The following ITGBL1 variants were observed in gnomAD, a reference collection of about 807,000 sequenced individuals.
The protein encoded by ITGBL1 is integrin beta-like protein 1.
Under a neutral mutation model 68.5 loss-of-function variants are expected in ITGBL1, and 51 were observed. The observed-to-expected ratio is 0.74, with a 90% confidence interval of 0.59 to 0.94. The LOEUF is 0.94. ITGBL1 is among the 40% of genes least tolerant of loss of function. The probability of loss-of-function intolerance (pLI) is 0.00; values close to 1 mark genes in which losing one functional copy is unlikely to be tolerated. For synonymous variants in ITGBL1, 209 were observed against 227.3 expected, an observed-to-expected ratio of 0.92 and a Z score of 0.72; for missense variants, 649 against 647.4, an observed-to-expected ratio of 1.00 and a Z score of -0.03.
intron 2 of ITGBL1, among the ~76,000 whole-genome samples, chr13:101,535,033 C>T (rs577697786): frequency 4.6e-5 from 7 of 152,068 alleles, no homozygotes; most frequent in Non-Finnish European, 1.0e-4. Context: ...TTCCTCTTGT[C>T]TTCACAGTAT....
intron 7 of ITGBL1, among the ~76,000 whole-genome samples, chr13:101,689,966 G>T (rs1163744094): frequency 6.6e-6 from 1 of 152,012 alleles, no homozygotes; most frequent in East Asian, 1.9e-4. Flanking sequence ...TATTTTTGGT[G>T]CCCATCCTAA....
intron 2 of ITGBL1, among the ~76,000 whole-genome samples, chr13:101,536,586 T>C (rs1472632310): frequency 6.6e-6 from 1 of 152,004 alleles, no homozygotes; most frequent in Non-Finnish European, 1.5e-5. Flanking sequence ...GTTCTAAATG[T>C]TGGCTTTCTC....
At chr13:101,473,291 T>C (rs550410372) in intron 2 of ITGBL1, among the ~76,000 whole-genome samples, 1 of 152,318 alleles carries the variant, frequency 6.6e-6, no homozygotes, top group East Asian at 1.9e-4. Flanking sequence ...ACACCATGCC[T>C]ACCCCATCCG....
At chr13:101,579,501 T>C (rs2050420280) in intron 5 of ITGBL1, 74 bp downstream of exon 5, 3 of 1,478,046 alleles carry the variant, frequency 2.0e-6, no homozygotes, top group African/African-American at 1.4e-5. Context: ...TTCTTTTCTT[T>C]GTATTTCCTC....
chr13:101,522,659 A>G (rs1038269980), intron 2 of ITGBL1, among the ~76,000 whole-genome samples: 8 of 152,210 alleles, frequency 5.3e-5, no homozygotes, highest in African/African-American at 1.7e-4. Flanking sequence ...CAGTCAGTAC[A>G]TATTTACTGA....
chr13:101,546,615 GCAACAGA>G, intron 2 of ITGBL1, among the ~76,000 whole-genome samples: 1 of 151,988 alleles, frequency 6.6e-6, no homozygotes, highest in Non-Finnish European at 1.5e-5. Flanking sequence ...AAGGTGAAAA[GCAACAGA>G]CAAACCTAAC....
intron 7 of ITGBL1, among the ~76,000 whole-genome samples, chr13:101,607,334 GT>G (rs1487252483): frequency 1.3e-5 from 2 of 151,982 alleles, no homozygotes; most frequent in African/African-American, 4.8e-5. Flanking sequence ...CAAGGTTGTT[GT>G]TTTGGATAAC....
intron 2 of ITGBL1, among the ~76,000 whole-genome samples, chr13:101,532,463 T>C (rs1170985930): frequency 6.6e-6 from 1 of 152,250 alleles, no homozygotes; most frequent in African/African-American, 2.4e-5. Context: ...CTTTAGATGC[T>C]AATTGCAAGT....
intron 7 of ITGBL1, among the ~76,000 whole-genome samples, chr13:101,653,053 G>A (rs776998300): frequency 8.6e-5 from 13 of 151,634 alleles, no homozygotes; most frequent in East Asian, 1.9e-4. Flanking sequence ...CCGAGATCAC[G>A]CCACCGCACT....
At chr13:101,594,890 A>G (rs1038059736) in intron 6 of ITGBL1, among the ~76,000 whole-genome samples, 2 of 152,198 alleles carry the variant, frequency 1.3e-5, no homozygotes, top group Non-Finnish European at 2.9e-5. Flanking sequence ...TTTGACCAAC[A>G]TGGTAAAACC....
intron 2 of ITGBL1, among the ~76,000 whole-genome samples, chr13:101,461,786 G>A (rs2048321929): frequency 6.6e-6 from 1 of 152,146 alleles, no homozygotes. Flanking sequence ...GAAGTAAGAC[G>A]AGACATTTTG....
chr13:101,715,691 T>G lies in ITGBL1; in HGVS notation c.*37T>G. ...GAGAGGTCTGGATTCTTATTTTTTC[T>G]GGGCCATTAGAACAGATAAATGCGA... On this transcript the variant is annotated 3_prime_UTR_variant, in exon 11 of 11. Coordinates refer to ENST00000376180, the MANE Select transcript of ITGBL1 (RefSeq NM_004791.3). The G allele has an allele frequency of 7.1e-7, 1 of 1,405,954 alleles. No individual in the cohort carries two copies. The highest frequency in any genetic ancestry group is 1.2e-5 in the South Asian group (1 of 86,864). The allele number at this position is 1,405,954 out of a possible 1,614,324, so 87.1% of individuals were successfully genotyped here.
At chr13:101,701,438 C>A (rs2139575272) in intron 8 of ITGBL1, among the ~76,000 whole-genome samples, 1 of 152,216 alleles carries the variant, frequency 6.6e-6, no homozygotes, top group East Asian at 1.9e-4. Flanking sequence ...GAGGCTGAGG[C>A]AGGAGAATGG....
At chr13:101,528,915 T>C (rs540968226) in intron 2 of ITGBL1, among the ~76,000 whole-genome samples, 1 of 151,808 alleles carries the variant, frequency 6.6e-6, no homozygotes, top group African/African-American at 2.4e-5. Flanking sequence ...TCAAATAAAA[T>C]AAATAAAAAT....
intron 2 of ITGBL1, among the ~76,000 whole-genome samples, chr13:101,460,218 T>A (rs1418037920): frequency 6.6e-6 from 1 of 152,200 alleles, no homozygotes; most frequent in Non-Finnish European, 1.5e-5. Context: ...AGCCCTTCCA[T>A]GTCTCTGAGT....
At chr13:101,526,659 A>ATATGTG (rs1555356331) in intron 2 of ITGBL1, among the ~76,000 whole-genome samples, 10 of 149,304 alleles carry the variant, frequency 6.7e-5, no homozygotes, top group African/African-American at 2.5e-4. Flanking sequence ...TTGAAGTTAT[A>ATATGTG]TGTGTGTGTG....
At chr13:101,521,588 G>A (rs2049285305) in intron 2 of ITGBL1, among the ~76,000 whole-genome samples, 1 of 151,980 alleles carries the variant, frequency 6.6e-6, no homozygotes, top group African/African-American at 2.4e-5. Flanking sequence ...GGAGTGATGG[G>A]TGGGGACAGA....
chr13:101,640,687 G>A (rs977979870), intron 7 of ITGBL1, among the ~76,000 whole-genome samples: 1 of 152,114 alleles, frequency 6.6e-6, no homozygotes, highest in Non-Finnish European at 1.5e-5. Flanking sequence ...GGTACACTGT[G>A]TGATGTCAAG....
chr13:101,528,439 T>G (rs2049417780), intron 2 of ITGBL1, among the ~76,000 whole-genome samples: 1 of 151,846 alleles, frequency 6.6e-6, no homozygotes. Context: ...TTTGGCCTCA[T>G]TGATTTTTCT....
Sources: allele counts gnomAD v4.1 joint callset (sites outside exome capture counted in the v4.1 genomes callset), GRCh38; gene constraint gnomAD v4.1.1; transcripts MANE v1.5; gene names NCBI Gene and HGNC (gene_info 2026-07-23, HGNC 2026-07-21).